ZNF236: variants seen among roughly 807,000 people sequenced by gnomAD.
The protein encoded by ZNF236 is zinc finger protein 236.
Under a neutral mutation model 191.2 loss-of-function variants are expected in ZNF236, and 50 were observed. That is an observed-to-expected ratio of 0.26 (90% CI 0.21 to 0.33). The LOEUF is 0.33. ZNF236 is among the 10% of genes least tolerant of loss of function. ZNF236 has a pLI of 1.00. For synonymous variants in ZNF236, 907 were observed against 928.8 expected (o/e 0.98, Z 0.43); for missense variants, 1,754 against 2,374.5 (o/e 0.74, Z 5.43).
chr18:76,859,370 C>T (rs555820605), intron 3 of ZNF236, among the ~76,000 whole-genome samples: 14 of 152,030 alleles, frequency 9.2e-5, no homozygotes, highest in Non-Finnish European at 1.5e-4. Flanking sequence ...CTTAGTGTCT[C>T]ATGAAGTTTT....
intron 9 of ZNF236, chr18:76,886,937 AT>A (rs752663623): frequency 3.0e-5 from 6 of 202,750 alleles, no homozygotes; most frequent in Non-Finnish European, 6.3e-5. Context: ...CATTCTTGAT[AT>A]CCCCATTCTG....
intron 27 of ZNF236, among the ~76,000 whole-genome samples, chr18:76,948,745 T>C (rs1391812694): frequency 6.6e-6 from 1 of 152,180 alleles, no homozygotes; most frequent in Non-Finnish European, 1.5e-5. Flanking sequence ...TCCAGAATTG[T>C]TTTACAATCA....
intron 5 of ZNF236, among the ~76,000 whole-genome samples, chr18:76,873,879 C>T (rs1976644735): frequency 6.6e-6 from 1 of 151,546 alleles, no homozygotes; most frequent in Admixed American, 6.6e-5. Context: ...TGCCTCCTGC[C>T]CCCCTGTCGT....
intron 20 of ZNF236, among the ~76,000 whole-genome samples, chr18:76,922,320 A>G (rs748894953): frequency 5.3e-5 from 8 of 152,158 alleles, no homozygotes; most frequent in Non-Finnish European, 1.0e-4. Context: ...TCTGTCTTTC[A>G]GAGACTCCGA....
In ZNF236 at chr18:76,970,683, A is replaced by G. The variant is rs1333607825; in HGVS notation, c.*2344A>G. The G allele has an allele frequency of 1.3e-5, 2 of 152,524 alleles. No homozygotes were observed. Among genetic ancestry groups the G allele is most frequent in the African/African-American group, 2.4e-5 (1 of 41,470 alleles). The allele number at this position is 152,524 out of a possible 1,614,324, so 9.4% of individuals were successfully genotyped here. A position where few individuals can be genotyped will look rare whatever the true frequency, so the allele number is the denominator to read the frequency against. Reference sequence around the variant, plus strand: ...ATTTTTAGAACTATCTCATCATAGCATATCTGCTTTGGAATAACTATAAAT... The same window carrying G: ...ATTTTTAGAACTATCTCATCATAGCGTATCTGCTTTGGAATAACTATAAAT... On this transcript the variant is annotated 3_prime_UTR_variant, in exon 31 of 31. Transcript: ENST00000320610.
chr18:76,947,470 G>C (rs945112801), intron 26 of ZNF236, 51 bp from the exon 27 acceptor site: 12 of 1,581,082 alleles, frequency 7.6e-6, no homozygotes, highest in African/African-American at 2.7e-5. Flanking sequence ...TTAAATTATT[G>C]CTTGTTTTGC....
intron 11 of ZNF236, among the ~76,000 whole-genome samples, chr18:76,901,867 C>G (rs956927393): frequency 2.2e-4 from 34 of 152,244 alleles, no homozygotes; most frequent in African/African-American, 7.7e-4. Flanking sequence ...GATCAAAACC[C>G]CCATGGTAGC....
intron 26 of ZNF236, among the ~76,000 whole-genome samples, chr18:76,945,051 A>T (rs1599416910): frequency 6.6e-6 from 1 of 151,988 alleles, no homozygotes; most frequent in East Asian, 1.9e-4. Flanking sequence ...CATCTCAAGG[A>T]CCCCTCATGT....
chr18:76,926,148 G>T (rs780859456), intron 22 of ZNF236, among the ~76,000 whole-genome samples: 9 of 152,188 alleles, frequency 5.9e-5, no homozygotes, highest in African/African-American at 2.2e-4. Flanking sequence ...TTTCTGATAC[G>T]TTTAAAGTGG....
At position 76,851,852 on chromosome 18, in the gene ZNF236, G is replaced by T; in HGVS notation, c.276G>T (p.Gly92=). 6.2e-7 allele frequency: 1 copy of T among 1,614,064 alleles called. No homozygotes were observed. The highest frequency in any genetic ancestry group is 8.5e-7 in the Non-Finnish European group (1 of 1,179,976). ...CACTTCATAAATGCACCCACAGCGG[G>T]GAAGATCCTACCTGCCCTGTGTGTA... ...NLTLHKCTHS[G]EDPTCPVCNK... The change falls in exon 3 of 31, where the codon GGG becomes GGT. Residue 92 remains glycine (G), a synonymous_variant. Transcript: ENST00000320610.
chr18:76,876,389 G>A (rs1392800170), intron 6 of ZNF236, among the ~76,000 whole-genome samples: 4 of 152,304 alleles, frequency 2.6e-5, no homozygotes, highest in African/African-American at 9.6e-5. Flanking sequence ...ATTCTTGGGA[G>A]CAAATGTGTA....
rs71172383 is a variant in ZNF236 at position 76,843,803 on chromosome 18, A to AAAAAAAAAAAAAAAAAG, written c.56-5721_56-5720insAAAAAAAAAAAAAAGAA. On this transcript the variant is annotated intron_variant, in intron 1 of 30. Coordinates refer to ENST00000320610, the MANE Select transcript of ZNF236 (RefSeq NM_001306089.2). ...AAAAAAAAAAAAAAAAAAAAAAAAA[A>AAAAAAAAAAAAAAAAAG]AAGTAAAGAAGAGACCGGGCGCAGT... is the stretch of plus-strand genomic sequence containing the variant. Among the ~76,000 whole-genome samples the AAAAAAAAAAAAAAAAAG allele has an allele frequency of 1.9e-3, 116 of 62,088 alleles. 41 individuals are homozygous for AAAAAAAAAAAAAAAAAG. Among genetic ancestry groups the AAAAAAAAAAAAAAAAAG allele is most frequent in the East Asian group, 2.7e-3 (5 of 1,858 alleles). 40.7% of individuals were successfully genotyped at this position (62,088 alleles called of 152,430 possible). A position where few individuals can be genotyped will look rare whatever the true frequency, so the allele number is the denominator to read the frequency against.
chr18:76,878,105 G>C lies in ZNF236; in HGVS notation c.937G>C (p.Gly313Arg). Residue 313 changes from glycine (G) to arginine (R), a missense_variant, in exon 7 of 31, where the codon GGG becomes CGG. Coordinates refer to ENST00000320610, the MANE Select transcript of ZNF236 (RefSeq NM_001306089.2). ...NTHISKMHMG[G>R]PQNSTSSTET... ...GCATATCAGCAAGATGCATATGGGT[G>C]GGCCACAGAATTCAACAAGTTCTAC... 3 of 1,613,226 alleles carry C rather than the reference G, an allele frequency of 1.9e-6. No individual in the cohort carries two copies. Among genetic ancestry groups the C allele is most frequent in the South Asian group, 1.1e-5 (1 of 90,998 alleles).
In ZNF236 at chr18:76,880,480, G is replaced by C. The variant is rs910490386; in HGVS notation, c.1188+164G>C. Among the ~76,000 whole-genome samples the C allele has an allele frequency of 6.6e-6, 1 of 151,934 alleles. No individual in the cohort carries two copies. Among genetic ancestry groups the C allele is most frequent in the Non-Finnish European group, 1.5e-5 (1 of 68,000 alleles). On this transcript the variant is annotated intron_variant, in intron 8 of 30. Transcript: ENST00000320610. This position sits in a 1 kb window ranked among gnomAD's most constrained non-coding sequence, Gnocchi z 5.0. Reference sequence around the variant, plus strand: ...TTAATATGCCTACTTAATTGCTTATGGACGGCGCAACATTCAAATGATTTA... The same window carrying C: ...TTAATATGCCTACTTAATTGCTTATCGACGGCGCAACATTCAAATGATTTA...
chr18:76,889,275 G>A (rs1021264102), intron 9 of ZNF236, among the ~76,000 whole-genome samples: 2 of 152,208 alleles, frequency 1.3e-5, no homozygotes, highest in African/African-American at 4.8e-5. Flanking sequence ...AATCAGCATT[G>A]TCTTTGCATT....
chr18:76,927,284 C>T lies in ZNF236; in HGVS notation c.4181C>T (p.Pro1394Leu). 6.2e-7 allele frequency: 1 copy of T among 1,614,084 alleles called. No homozygotes were observed. The highest frequency in any genetic ancestry group is 8.5e-7 in the Non-Finnish European group (1 of 1,180,004). The change falls in exon 24 of 31, where the codon CCA (proline) becomes CTA (leucine). Residue 1394 changes from proline (P) to leucine (L), a missense_variant. Around this residue, in one of 5 missense-constraint regions of ZNF236, gnomAD observed 606 missense variants for 761.5 expected, o/e 0.80. Coordinates refer to ENST00000320610, the MANE Select transcript of ZNF236 (RefSeq NM_001306089.2). The surrounding 1 kb of genome is among the most constrained non-coding windows in gnomAD (Gnocchi z 5.4). ...SINNITLQID[P>L]SILQQTLQQG... ...ACCTGTGCTGCTTTTCAGATTGATCCAAGCATTCTGCAGCAGACGCTACAG... is the reference window on the plus strand; with the variant it reads ...ACCTGTGCTGCTTTTCAGATTGATCTAAGCATTCTGCAGCAGACGCTACAG...
rs771105691 is a variant in ZNF236, at chr18:76,919,744, G to A, written c.3275-32G>A. 8 of 1,601,342 alleles carry A rather than the reference G, an allele frequency of 5.0e-6. No individual in the cohort carries two copies. Among genetic ancestry groups the A allele is most frequent in the African/African-American group, 4.0e-5 (3 of 74,564 alleles). On this transcript the variant is annotated intron_variant, in intron 19 of 30. Transcript: ENST00000320610. The surrounding 1 kb of genome is among the most constrained non-coding windows in gnomAD (Gnocchi z 5.3). Reference sequence around the variant, plus strand: ...TAAAAACCTAGGTTTTCTTCATTACGATTTTGATCCCTTTTCCTTGATTTT... The same window carrying A: ...TAAAAACCTAGGTTTTCTTCATTACAATTTTGATCCCTTTTCCTTGATTTT...
intron 1 of ZNF236, among the ~76,000 whole-genome samples, chr18:76,830,673 T>A (rs1315280984): frequency 1.3e-5 from 2 of 152,196 alleles, no homozygotes; most frequent in Non-Finnish European, 2.9e-5. Context: ...CATAATGTTT[T>A]AGGCAAGTTT....
chr18:76,879,848 C>T (rs549317416), intron 7 of ZNF236, among the ~76,000 whole-genome samples: 4 of 152,210 alleles, frequency 2.6e-5, no homozygotes, highest in Admixed American at 6.5e-5. Flanking sequence ...TGAGGGTTCA[C>T]GTGCTCAATC....
Sources: gnomAD v4.1 joint callset for allele counts (sites outside exome capture counted in the v4.1 genomes callset) on GRCh38, gnomAD v4.1.1 for gene constraint, gnomAD v4.1.1 regional missense constraint, Gnocchi (gnomAD v3.1) non-coding constraint, MANE v1.5 for transcripts, NCBI Gene and HGNC (gene_info 2026-07-23, HGNC 2026-07-21) for gene names.